ADAR: variants seen among roughly 807,000 people sequenced by gnomAD.
ADAR encodes the protein double-stranded RNA-specific adenosine deaminase.
Under a neutral mutation model 113.2 loss-of-function variants are expected in ADAR, and 41 were observed. That is an observed-to-expected ratio of 0.36 (90% CI 0.28 to 0.47). The LOEUF (loss-of-function observed/expected upper bound fraction) is 0.47, where lower values mean the gene tolerates loss of function less well. ADAR is among the 20% of genes least tolerant of loss of function. The pLI is 1.00. For synonymous variants in ADAR, 605 were observed against 572.6 expected, an observed-to-expected ratio of 1.06 and a Z score of -0.81; for missense variants, 1,242 against 1,540.9, an observed-to-expected ratio of 0.81 and a Z score of 3.25.
intron 6 of ADAR, among the ~76,000 whole-genome samples, chr1:154,595,408 G>A (rs2101613039): frequency 6.6e-6 from 1 of 152,206 alleles, no homozygotes; most frequent in East Asian, 1.9e-4. Flanking sequence ...ACGTGGAGGT[G>A]GAAGACAGTG....
chr1:154,601,121 C>A lies in ADAR; in HGVS notation c.1521G>T (p.Gly507=). The change falls in exon 2 of 15, where the codon GGG becomes GGT. Residue 507 remains glycine, a synonymous_variant. Transcript: ENST00000368474. This position sits in a 1 kb window ranked among gnomAD's most constrained non-coding sequence, Gnocchi z 4.7. ...TAGCGAACTGGGCATATTCTAACAG[C>A]CCGCTGATGGGGTTCTTCAGCTGGC... The part of the protein sequence containing the change: ...TECQLKNPIS[G]LLEYAQFASQ... 1.2e-6 allele frequency: 2 copies of A among 1,614,190 alleles called. No individual in the cohort carries two copies. Among genetic ancestry groups the A allele is most frequent in the Non-Finnish European group, 1.7e-6 (2 of 1,180,044 alleles).
intron 8 of ADAR, 54 bp from the exon 9 acceptor site, chr1:154,589,516 C>G (rs1479882831): frequency 6.7e-7 from 1 of 1,490,010 alleles, no homozygotes; most frequent in Non-Finnish European, 9.4e-7. Flanking sequence ...CGATGGAAAA[C>G]AGGATGAAGG....
At chr1:154,591,403 C>T (rs892995217) in intron 6 of ADAR, among the ~76,000 whole-genome samples, 5 of 152,244 alleles carry the variant, frequency 3.3e-5, no homozygotes, top group African/African-American at 2.4e-5. Flanking sequence ...AGGTCAAGGT[C>T]GGCCTTAGGC....
At chr1:154,619,125 G>C (rs1416211676) in intron 1 of ADAR, among the ~76,000 whole-genome samples, 2 of 152,108 alleles carry the variant, frequency 1.3e-5, no homozygotes, top group Admixed American at 1.3e-4. Context: ...AAAAGAGGCA[G>C]ATAATGTTAG....
intron 1 of ADAR, among the ~76,000 whole-genome samples, chr1:154,622,875 C>T (rs1208270737): frequency 1.4e-5 from 2 of 144,672 alleles, no homozygotes; most frequent in East Asian, 4.1e-4. Context: ...CTGTCCTAGG[C>T]CTCAAGGTAG....
intron 1 of ADAR, among the ~76,000 whole-genome samples, chr1:154,614,455 C>A (rs1312389516): frequency 6.6e-6 from 1 of 152,240 alleles, no homozygotes; most frequent in African/African-American, 2.4e-5. Flanking sequence ...GCCCCAGCCT[C>A]ATGCAAGAGC....
intron 7 of ADAR, 44 bp downstream of exon 7, chr1:154,590,140 G>GGGGCGCCC: frequency 7.3e-7 from 1 of 1,373,188 alleles, no homozygotes; most frequent in Non-Finnish European, 1.0e-6. Context: ...GAGTTAGGAG[G>GGGGCGCCC]ACCCCCCCGC....
chr1:154,588,152 C>T lies in ADAR; in HGVS notation c.2992G>A (p.Gly998Arg). The T allele has an allele frequency of 6.2e-7, 1 of 1,614,002 alleles. No individual in the cohort carries two copies. Residue 998 changes from glycine (G) to arginine (R), a missense_variant, in exon 11 of 15, where the codon GGA (glycine) becomes AGA (arginine). Around this residue, in one of 2 missense-constraint regions of ADAR, gnomAD observed 780 missense variants for 1,057.9 expected, o/e 0.74. Coordinates refer to ENST00000368474, the MANE Select transcript of ADAR (RefSeq NM_001111.5). Reference protein sequence around the residue: ...HYPVFENPKQGKLRTKVENGE... With the variant: ...HYPVFENPKQRKLRTKVENGE... Reference sequence around the variant, plus strand: ...TTCTCCACCTTGGTGCGGAGCTTTCCTTGTTTGGGATTCTCGAAGACAGGG... The same window carrying T: ...TTCTCCACCTTGGTGCGGAGCTTTCTTTGTTTGGGATTCTCGAAGACAGGG...
chr1:154,602,645 G>T lies in ADAR; in HGVS notation c.16-19C>A. ...AATACCCCTGCAGAATAAGACAGTGGAAAAAGAAAATGAATTAGGGCTGCA... is the reference window on the plus strand; with the variant it reads ...AATACCCCTGCAGAATAAGACAGTGTAAAAAGAAAATGAATTAGGGCTGCA... On this transcript the variant is annotated intron_variant, in intron 1 of 14. Coordinates refer to ENST00000368474, the MANE Select transcript of ADAR (RefSeq NM_001111.5). 1 of 1,612,604 alleles carries T rather than the reference G, an allele frequency of 6.2e-7. No individual in the cohort carries two copies.
In ADAR at chr1:154,597,958, G is replaced by C; in HGVS notation, c.1804C>G (p.Pro602Ala). The change falls in exon 4 of 15, where the codon CCC (proline) becomes GCC (alanine). Residue 602 changes from proline to alanine, a missense_variant. Pro to Ala is a conservative substitution (Grantham distance 27). Around this residue, in one of 2 missense-constraint regions of ADAR, gnomAD observed 780 missense variants for 1,057.9 expected, o/e 0.74. Coordinates refer to ENST00000368474, the MANE Select transcript of ADAR (RefSeq NM_001111.5). ...AAGAAGGATGTGGCTGAAGGGGTGG[G>C]GGTCTGGGACTCTGCAGTCTAGAGA... Reference protein sequence around the residue: ...ESEKTAESQTPTPSATSFFSG... With the variant: ...ESEKTAESQTATPSATSFFSG... 6.2e-7 allele frequency: 1 copy of C among 1,614,088 alleles called. No homozygotes were observed. Among genetic ancestry groups the C allele is most frequent in the South Asian group, 1.1e-5 (1 of 91,076 alleles).
Position 154,589,886 on chromosome 1 carries a change from G to A in ADAR, c.2539C>T (p.Leu847=). 6.2e-7 allele frequency: 1 copy of A among 1,614,124 alleles called. No homozygotes were observed. Among genetic ancestry groups the A allele is most frequent in the Non-Finnish European group, 8.5e-7 (1 of 1,180,028 alleles). The stretch of plus-strand genomic sequence containing the variant: ...AGAGTGTTGAAGCACCGGTGGCTCA[G>A]CATGGCTATCTGGTCATGGAAGGTG... ...GSTFHDQIAM[L]SHRCFNTLTN... is the part of the protein sequence containing the mutation. The change falls in exon 8 of 15, where the codon CTG becomes TTG. Residue 847 remains leucine, a synonymous_variant. Transcript: ENST00000368474.
Position 154,597,001 on chromosome 1 carries a change from G to A in ADAR, c.2080-6C>T. The A allele has an allele frequency of 1.2e-6, 2 of 1,614,158 alleles. No homozygotes were observed. Among genetic ancestry groups the A allele is most frequent in the Non-Finnish European group, 1.7e-6 (2 of 1,180,018 alleles). ...TCTGAGATCATACCTTCAGGCTAAA[G>A]GAGAATCCATCAAACAGAGGAGCCA... On this transcript the variant is annotated splice_region_variant and splice_polypyrimidine_tract_variant and intron_variant, in intron 5 of 14. Transcript: ENST00000368474.
Position 154,585,771 on chromosome 1 carries a change from A to G in ADAR, c.3297T>C (p.Phe1099=). Residue 1099 remains phenylalanine, a synonymous_variant, in exon 13 of 15, where the codon TTT becomes TTC. Transcript: ENST00000368474. ...SAFEDGLRHP[F]IVNHPKVGRV... is the part of the protein sequence containing the mutation. ...ATAGCACCTTGGGGTGGTTGACAAT[A>G]AAGGGATGTCGTAGTCCATCCTCAA... is the stretch of plus-strand genomic sequence containing the variant. 6.2e-7 allele frequency: 1 copy of G among 1,613,788 alleles called. No homozygotes were observed. Among genetic ancestry groups the G allele is most frequent in the Non-Finnish European group, 8.5e-7 (1 of 1,179,676 alleles).
Position 154,601,502 on chromosome 1 carries a change from G to A in ADAR, c.1140C>T (p.Ile380=). 3.1e-6 allele frequency: 5 copies of A among 1,614,010 alleles called. No individual in the cohort carries two copies. The highest frequency in any genetic ancestry group is 3.4e-6 in the Non-Finnish European group (4 of 1,180,022). ...ACTCTGCGTTTCTTTTGGTCTCAGG[G>A]ATTGCAGCTGGAGCGGTTTCAGGAA... The part of the protein sequence containing the change: ...NSVPETAPAA[I]PETKRNAEFL... Residue 380 remains isoleucine (I), a synonymous_variant, in exon 2 of 15, where the codon ATC becomes ATT. Transcript: ENST00000368474. The surrounding 1 kb of genome is among the most constrained non-coding windows in gnomAD (Gnocchi z 4.7).
At chr1:154,592,340 T>C (rs933299010) in intron 6 of ADAR, among the ~76,000 whole-genome samples, 1 of 152,224 alleles carries the variant, frequency 6.6e-6, no homozygotes, top group Non-Finnish European at 1.5e-5. Context: ...CTCCAGCCCT[T>C]TGGAATACTT....
chr1:154,607,523 A>C (rs1292105790), intron 1 of ADAR, among the ~76,000 whole-genome samples: 3 of 131,486 alleles, frequency 2.3e-5, no homozygotes, highest in Admixed American at 8.0e-5. Flanking sequence ...GTGGGGCTAA[A>C]GCGGGGGTAG....
exon 1 of ADAR, chr1:154,627,861 T>G (rs770335986): frequency 7.7e-6 from 4 of 517,882 alleles, no homozygotes; most frequent in South Asian, 2.8e-5. Flanking sequence ...TTACCGGGTC[T>G]TGCACTTCCT....
chr1:154,623,119 G>T (rs1304789979), intron 1 of ADAR, among the ~76,000 whole-genome samples: 3 of 152,202 alleles, frequency 2.0e-5, no homozygotes, highest in African/African-American at 7.2e-5. Context: ...CCAATAAACA[G>T]ATAATTATCA....
At chr1:154,626,716 A>G (rs764848302) in intron 1 of ADAR, among the ~76,000 whole-genome samples, 1 of 152,208 alleles carries the variant, frequency 6.6e-6, no homozygotes, top group Non-Finnish European at 1.5e-5. Context: ...CATTTTGTAG[A>G]TAAGCCCAAG....
Sources: allele counts gnomAD v4.1 joint callset (sites outside exome capture counted in the v4.1 genomes callset), GRCh38; gene constraint gnomAD v4.1.1; regional missense constraint gnomAD v4.1.1; non-coding constraint Gnocchi (gnomAD v3.1); transcripts MANE v1.5; gene names NCBI Gene and HGNC (gene_info 2026-07-23, HGNC 2026-07-21).